IFT52: variants seen among roughly 807,000 people sequenced by gnomAD.
IFT52 encodes the protein intraflagellar transport protein 52 homolog.
Under a neutral mutation model 54.4 loss-of-function variants are expected in IFT52, and 44 were observed. That is an observed-to-expected ratio of 0.81 (90% CI 0.63 to 1.04). The LOEUF (loss-of-function observed/expected upper bound fraction) is 1.04, where lower values mean the gene tolerates loss of function less well. IFT52 is among the 50% of genes least tolerant of loss of function. The pLI is 0.00. For synonymous variants in IFT52, 181 were observed against 185.3 expected (o/e 0.98, Z 0.19); for missense variants, 452 against 523.6 (o/e 0.86, Z 1.33).
chr20:43,603,799 G>A lies in IFT52; in HGVS notation c.247G>A (p.Val83Ile). 6.2e-7 allele frequency: 1 copy of A among 1,610,776 alleles called. No homozygotes were observed. Among genetic ancestry groups the A allele is most frequent in the Non-Finnish European group, 8.5e-7 (1 of 1,177,930 alleles). The change falls in exon 4 of 14, where the codon GTC becomes ATC. Residue 83 changes from valine to isoleucine, a missense_variant. Val to Ile is a conservative substitution (Grantham distance 29, BLOSUM62 3). Coordinates refer to ENST00000373030, the MANE Select transcript of IFT52 (RefSeq NM_016004.5). ...GAAATATCTTGACACTGGTGGAGAT[G>A]TCTTTGTGATGCTAGGAGAAGGTGG... ...LKKYLDTGGD[V>I]FVMLGEGGES...
chr20:43,630,570 G>C (rs530354113), intron 10 of IFT52, among the ~76,000 whole-genome samples: 1 of 152,174 alleles, frequency 6.6e-6, no homozygotes. Flanking sequence ...CAACTACAGG[G>C]TGTTGCTCTG....
intron 5 of IFT52, among the ~76,000 whole-genome samples, chr20:43,604,561 G>A (rs974281662): frequency 6.6e-6 from 1 of 151,964 alleles, no homozygotes; most frequent in African/African-American, 2.4e-5. Flanking sequence ...GGCTGACAGA[G>A]CGAGACTTCA....
At position 43,646,492 on chromosome 20, in the gene IFT52, G is replaced by T. The variant is rs111690262; in HGVS notation, c.1267-444G>T. On this transcript the variant is annotated intron_variant, in intron 13 of 13. Coordinates refer to ENST00000373030, the MANE Select transcript of IFT52 (RefSeq NM_016004.5). The stretch of plus-strand genomic sequence containing the variant: ...GTGCCTCTCAGAGCTCTGTGTAGTG[G>T]GAGACAGAAGTGTATTGGCAGTTAC... Among the ~76,000 whole-genome samples, 247 of 152,192 alleles carry T rather than the reference G, an allele frequency of 1.6e-3. 1 individual carries two copies. Among genetic ancestry groups the T allele is most frequent in the African/African-American group, 5.6e-3 (233 of 41,532 alleles).
intron 10 of IFT52, among the ~76,000 whole-genome samples, chr20:43,631,509 A>G (rs1985169566): frequency 6.6e-6 from 1 of 152,224 alleles, no homozygotes; most frequent in Non-Finnish European, 1.5e-5. Context: ...TTCTAGCTTA[A>G]CTTTGAAGGG....
At chr20:43,620,012 G>A (rs1291519582) in intron 8 of IFT52, among the ~76,000 whole-genome samples, 1 of 150,570 alleles carries the variant, frequency 6.6e-6, no homozygotes, top group South Asian at 2.1e-4. Context: ...CGCCTCACGG[G>A]TTCAAGCGAT....
At chr20:43,614,975 A>G (rs1435199036) in intron 7 of IFT52, among the ~76,000 whole-genome samples, 8 of 151,674 alleles carry the variant, frequency 5.3e-5, no homozygotes, top group Non-Finnish European at 1.0e-4. Context: ...AGCATGGCTA[A>G]TTTTTGTATT....
At chr20:43,621,090 G>A (rs1018351366) in intron 9 of IFT52, 165 bp downstream of exon 9, 4 of 537,456 alleles carry the variant, frequency 7.4e-6, no homozygotes, top group Admixed American at 3.3e-5. Flanking sequence ...TAAAAAATAA[G>A]TCAATAAACA....
intron 10 of IFT52, among the ~76,000 whole-genome samples, chr20:43,631,125 G>A (rs895409422): frequency 8.5e-5 from 13 of 152,188 alleles, no homozygotes; most frequent in Admixed American, 3.9e-4. Context: ...GATTGGCTAC[G>A]TCTGAGTTCT....
intron 2 of IFT52, among the ~76,000 whole-genome samples, chr20:43,595,175 A>C (rs1316231583): frequency 6.6e-6 from 1 of 151,824 alleles, no homozygotes; most frequent in African/African-American, 2.4e-5. Context: ...AAAATTAGCG[A>C]AGTGTGGTGG....
At chr20:43,618,896 G>A (rs1170859472) in intron 7 of IFT52, 44 bp from the exon 8 acceptor site, 2 of 1,262,214 alleles carry the variant, frequency 1.6e-6, no homozygotes, top group African/African-American at 3.0e-5. Context: ...TACATGAGAT[G>A]CACTTTCGGA....
At chr20:43,618,127 T>C (rs1983997883) in intron 7 of IFT52, 1 of 152,184 alleles carries the variant, frequency 6.6e-6, no homozygotes, top group Admixed American at 6.6e-5. Context: ...GTACAGACTG[T>C]CTTTGAGTTT....
At chr20:43,635,052 C>A (rs1446473023) in intron 10 of IFT52, among the ~76,000 whole-genome samples, 1 of 151,998 alleles carries the variant, frequency 6.6e-6, no homozygotes, top group African/African-American at 2.4e-5. Flanking sequence ...CCTGTAATCC[C>A]AGCTACTTGG....
chr20:43,609,743 C>T (rs1297567773), intron 6 of IFT52, among the ~76,000 whole-genome samples: 1 of 148,236 alleles, frequency 6.7e-6, no homozygotes, highest in Non-Finnish European at 1.5e-5. Context: ...CCATTGCACT[C>T]CGGCCTGGGC....
chr20:43,602,139 TTTATTTTATTTATTTA>T (rs1230398731), intron 3 of IFT52, among the ~76,000 whole-genome samples: 73 of 8,346 alleles, frequency 8.7e-3, no homozygotes, highest in African/African-American at 0.023. Context: ...TGAGCTGATT[TTTATTTTATTTATTTA>T]TTTATTTATT....
rs781289707 is a variant in IFT52 at position 43,646,922 on chromosome 20, A to G, written c.1267-14A>G. 1 of 1,608,546 alleles carries G rather than the reference A, an allele frequency of 6.2e-7. No homozygotes were observed. The highest frequency in any genetic ancestry group is 8.5e-7 in the Non-Finnish European group (1 of 1,175,072). ...CTGAAATACTAAAATTCTGTGTCTT[A>G]TTCTCTCATCCAGGAACATGACATC... On this transcript the variant is annotated splice_polypyrimidine_tract_variant and intron_variant, in intron 13 of 13. Coordinates refer to ENST00000373030, the MANE Select transcript of IFT52 (RefSeq NM_016004.5).
At chr20:43,631,590 C>T (rs1162104998) in intron 10 of IFT52, among the ~76,000 whole-genome samples, 3 of 152,208 alleles carry the variant, frequency 2.0e-5, no homozygotes, top group South Asian at 4.1e-4. Context: ...AAAGTTTAGC[C>T]AGCTTAAAAA....
intron 12 of IFT52, among the ~76,000 whole-genome samples, chr20:43,638,910 G>A (rs1985724038): frequency 6.6e-6 from 1 of 152,168 alleles, no homozygotes; most frequent in African/African-American, 2.4e-5. Context: ...TAAGCAAAAT[G>A]GAAACAGTTC....
intron 3 of IFT52, among the ~76,000 whole-genome samples, chr20:43,597,488 T>C (rs1982072365): frequency 1.3e-5 from 2 of 152,196 alleles, no homozygotes; most frequent in Admixed American, 1.3e-4. Flanking sequence ...ATGACAAGTA[T>C]TGGTGAGAAT....
Position 43,647,074 on chromosome 20 carries a change from T to C in IFT52, c.*91T>C. The C allele has an allele frequency of 9.0e-7, 1 of 1,109,590 alleles. No individual in the cohort carries two copies. Among genetic ancestry groups the C allele is most frequent in the Non-Finnish European group, 1.4e-6 (1 of 723,900 alleles). 68.7% of individuals were successfully genotyped at this position (1,109,590 alleles called of 1,614,324 possible). On this transcript the variant is annotated 3_prime_UTR_variant, in exon 14 of 14. Coordinates refer to ENST00000373030, the MANE Select transcript of IFT52 (RefSeq NM_016004.5). ...TTTTCAACTCCTTATCAAAATTGTTTATACACTCTTTCCTCCATGAGCTCT... is the reference window on the plus strand; with the variant it reads ...TTTTCAACTCCTTATCAAAATTGTTCATACACTCTTTCCTCCATGAGCTCT...
Sources: allele counts gnomAD v4.1 joint callset (sites outside exome capture counted in the v4.1 genomes callset), GRCh38; gene constraint gnomAD v4.1.1; transcripts MANE v1.5; gene names NCBI Gene and HGNC (gene_info 2026-07-23, HGNC 2026-07-21).